Variants in USH1C observed in about 807,000 individuals in gnomAD.
USH1C encodes the protein harmonin.
A neutral mutation model predicts 119.3 loss-of-function variants in USH1C; 90 were observed. The ratio of observed to expected loss-of-function variants is 0.75; its 90% CI spans 0.64 to 0.90. USH1C has a LOEUF of 0.90. USH1C is among the 40% of genes least tolerant of loss of function. The pLI is 0.00. For missense variants in USH1C, 1,165 were observed against 1,167.7 expected (o/e 1.00, Z 0.03); for synonymous variants, 465 against 443.3 (o/e 1.05, Z -0.62).
At chr11:17,535,134 A>C (rs1851184830) in intron 1 of USH1C, among the ~76,000 whole-genome samples, 1 of 152,122 alleles carries the variant, frequency 6.6e-6, no homozygotes. Flanking sequence ...GGGGCGAGAA[A>C]TATCTTTATA....
At position 17,509,773 on chromosome 11, in the gene USH1C, G is replaced by C; in HGVS notation, c.1596C>G (p.Phe532Leu). ...VSPLAPPLRRFAGGLHLHTTD... is the reference protein window; with the variant it reads ...VSPLAPPLRRLAGGLHLHTTD... Reference sequence around the variant, plus strand: ...TGGTGTGCAGGTGCAGTCCGCCTGCGAAGCGTCTCAAGGGTGGGGCCAGGG... The same window carrying C: ...TGGTGTGCAGGTGCAGTCCGCCTGCCAAGCGTCTCAAGGGTGGGGCCAGGG... Residue 532 changes from phenylalanine (F) to leucine (L), a missense_variant, in exon 18 of 27, where the codon TTC (phenylalanine) becomes TTG (leucine). Coordinates refer to ENST00000005226, the MANE Select transcript of USH1C (RefSeq NM_153676.4). 1 of 1,600,974 alleles carries C rather than the reference G, an allele frequency of 6.2e-7. No individual in the cohort carries two copies. Among genetic ancestry groups the C allele is most frequent in the Non-Finnish European group, 8.5e-7 (1 of 1,179,350 alleles).
rs751057721 is a variant in USH1C, at chr11:17,531,244, G to C, written c.297C>G (p.Gly99=). The C allele has an allele frequency of 6.2e-7, 1 of 1,614,168 alleles. No homozygotes were observed. The highest frequency in any genetic ancestry group is 1.3e-5 in the African/African-American group (1 of 75,054). ...RLDRLHPEGL[G]LSVRGGLEFG... ...ACTCCAGGCCACCACGCACACTCAG[G>C]CCGAGGCCTTCGGGGTGCAGACGGT... The change falls in exon 4 of 27, where the codon GGC becomes GGG. Residue 99 remains glycine, a synonymous_variant. Transcript: ENST00000005226. This position sits in a 1 kb window ranked among gnomAD's most constrained non-coding sequence, Gnocchi z 4.2.
intron 1 of USH1C, among the ~76,000 whole-genome samples, chr11:17,537,575 C>G (rs1266065638): frequency 6.6e-6 from 1 of 152,192 alleles, no homozygotes; most frequent in Non-Finnish European, 1.5e-5. Context: ...CTGGGTCTGC[C>G]TCCCCTTAGT....
chr11:17,510,179 C>G (rs767978486), intron 17 of USH1C, among the ~76,000 whole-genome samples: 1 of 152,138 alleles, frequency 6.6e-6, no homozygotes, highest in Admixed American at 6.5e-5. Flanking sequence ...CTGAGACTAT[C>G]GCAGATGAGC....
At chr11:17,512,542 C>T (rs1167975832) in intron 15 of USH1C, among the ~76,000 whole-genome samples, 1 of 152,232 alleles carries the variant, frequency 6.6e-6, no homozygotes, top group African/African-American at 2.4e-5. Context: ...ATCTCATGTT[C>T]AGATTCAGAG....
In USH1C at chr11:17,531,753, G is replaced by C. The variant is rs534023408; in HGVS notation, c.105-211C>G. Among the ~76,000 whole-genome samples, 2 of 152,270 alleles carry C rather than the reference G, an allele frequency of 1.3e-5. No individual in the cohort carries two copies. The highest frequency in any genetic ancestry group is 4.2e-4 in the South Asian group (2 of 4,818). ...TATCCCCAGGAAACCAGTCTACTAG[G>C]GATTGTTGACTCATTTTGCAGATGA... On this transcript the variant is annotated intron_variant, in intron 2 of 26. Coordinates refer to ENST00000005226, the MANE Select transcript of USH1C (RefSeq NM_153676.4). The surrounding 1 kb of genome is among the most constrained non-coding windows in gnomAD (Gnocchi z 4.2).
intron 1 of USH1C, among the ~76,000 whole-genome samples, chr11:17,540,827 C>G (rs1242199506): frequency 2.0e-5 from 3 of 152,212 alleles, no homozygotes; most frequent in African/African-American, 7.2e-5. Flanking sequence ...CCCTTCTACT[C>G]TTGGGCCCCT....
At chr11:17,533,366 C>CA in intron 1 of USH1C, 44 bp from the exon 2 acceptor site, 4 of 1,411,044 alleles carry the variant, frequency 2.8e-6, no homozygotes, top group Non-Finnish European at 4.0e-6. Flanking sequence ...GCTCAGCACC[C>CA]GCCCCCATAG....
intron 1 of USH1C, chr11:17,533,530 T>G: frequency 3.1e-6 from 2 of 639,522 alleles, no homozygotes. Flanking sequence ...GCCACAGGAG[T>G]ACCGCTGCCC....
chr11:17,498,836 T>C (rs901786114), intron 23 of USH1C, among the ~76,000 whole-genome samples: 2 of 152,260 alleles, frequency 1.3e-5, no homozygotes, highest in African/African-American at 4.8e-5. Flanking sequence ...ATCATTAATC[T>C]GTTTGTTTAC....
At chr11:17,494,662 A>G (rs898842223) in intron 26 of USH1C, 2 of 503,728 alleles carry the variant, frequency 4.0e-6, no homozygotes, top group Non-Finnish European at 7.3e-6. Flanking sequence ...AACAGAAAAC[A>G]TAGGGCCATG....
chr11:17,524,880 G>T (rs1269284346), intron 8 of USH1C, among the ~76,000 whole-genome samples: 1 of 151,864 alleles, frequency 6.6e-6, no homozygotes, highest in African/African-American at 2.4e-5. Context: ...ACAGGGTCTT[G>T]CTCTGTCACC....
intron 15 of USH1C, among the ~76,000 whole-genome samples, chr11:17,515,519 T>C (rs1287463025): frequency 6.6e-6 from 1 of 152,114 alleles, no homozygotes; most frequent in Non-Finnish European, 1.5e-5. Flanking sequence ...AGTGATAACA[T>C]CCAATTTAGC....
chr11:17,518,562 CA>C (rs920894151), intron 14 of USH1C, among the ~76,000 whole-genome samples: 2 of 152,156 alleles, frequency 1.3e-5, no homozygotes, highest in Non-Finnish European at 2.9e-5. Context: ...CAGGGCTTGG[CA>C]AAATGTTGGG....
At chr11:17,539,157 C>T (rs545943620) in intron 1 of USH1C, among the ~76,000 whole-genome samples, 1 of 152,176 alleles carries the variant, frequency 6.6e-6, no homozygotes, top group African/African-American at 2.4e-5. Flanking sequence ...CTCTTCTTGG[C>T]CAAGTCTTTC....
In USH1C at chr11:17,522,901, C is replaced by G. The variant is rs556221893; in HGVS notation, c.902G>C (p.Arg301Pro). Residue 301 changes from arginine to proline, a missense_variant, in exon 12 of 27, where the codon CGG (arginine) becomes CCG (proline). Coordinates refer to ENST00000005226, the MANE Select transcript of USH1C (RefSeq NM_153676.4). ...AAGRELFMTDRERLAEARQRE... is the reference protein window; with the variant it reads ...AAGRELFMTDPERLAEARQRE... ...CTGCCGCGCCTCTGCCAGCCGCTCC[C>G]GGTCTGTCATGAACAGCTCCCGGCC... The G allele has an allele frequency of 1.9e-6, 3 of 1,612,678 alleles. No homozygotes were observed. The highest frequency in any genetic ancestry group is 2.5e-6 in the Non-Finnish European group (3 of 1,179,486).
chr11:17,505,721 T>A, intron 19 of USH1C, 109 bp downstream of exon 19: 1 of 1,511,506 alleles, frequency 6.6e-7, no homozygotes, highest in Admixed American at 1.8e-5. Flanking sequence ...GCATCTGTGA[T>A]CTGCATTTTT....
chr11:17,495,680 A>G lies in USH1C; in HGVS notation c.2547-3T>C, dbSNP rs1341132843. ...CTACGGAGGAGGGAAGAGAAGCTCT[A>G]TATATACAGAGCAGAGCAAGAAACA... On this transcript the variant is annotated splice_polypyrimidine_tract_variant and splice_region_variant and intron_variant, in intron 25 of 26. Transcript: ENST00000005226. The G allele has an allele frequency of 1.2e-6, 2 of 1,613,818 alleles. No individual in the cohort carries two copies. The highest frequency in any genetic ancestry group is 1.1e-5 in the South Asian group (1 of 91,078).
rs1161954752 is a variant in USH1C at position 17,544,276 on chromosome 11, T to C, written c.32A>G (p.His11Arg). ...GGGGCGCCCTGCAGCTCTGACCTTA[T>C]GCCGGAATTCTCGGGCCACTTTTCG... MDRKVAREFR[H>R]KVDFLIENDA... The change falls in exon 1 of 27, where the codon CAT (histidine) becomes CGT (arginine). Residue 11 changes from histidine to arginine, a missense_variant. Physicochemically the swap from His to Arg is conservative, Grantham distance 29. Coordinates refer to ENST00000005226, the MANE Select transcript of USH1C (RefSeq NM_153676.4). 1 of 1,613,916 alleles carries C rather than the reference T, an allele frequency of 6.2e-7. No homozygotes were observed. The highest frequency in any genetic ancestry group is 1.3e-5 in the African/African-American group (1 of 74,940).
Sources: gnomAD v4.1 joint callset for allele counts (sites outside exome capture counted in the v4.1 genomes callset) on GRCh38, gnomAD v4.1.1 for gene constraint, Gnocchi (gnomAD v3.1) non-coding constraint, MANE v1.5 for transcripts, NCBI Gene and HGNC (gene_info 2026-07-23, HGNC 2026-07-21) for gene names.